FRMPD4: variants seen among roughly 807,000 people sequenced by gnomAD.
FRMPD4 encodes the protein FERM and PDZ domain containing 4.
FRMPD4 carries 22 observed loss-of-function variants against 94.1 expected under a neutral mutation model. The observed-to-expected ratio is 0.23, with a 90% CI of 0.17 to 0.33. FRMPD4 has a LOEUF of 0.33. Ranked by LOEUF, FRMPD4 falls within the 10% of genes least tolerant of loss-of-function variation. FRMPD4 has a pLI of 1.00. For missense variants in FRMPD4, 1,111 were observed against 1,339.9 expected, an observed-to-expected ratio of 0.83 and a Z score of 2.67; for synonymous variants, 631 against 548.6, an observed-to-expected ratio of 1.15 and a Z score of -2.10.
chrX:12,060,669 C>T (rs1402503514), intron 3 of FRMPD4, among the ~76,000 whole-genome samples: 1 of 111,371 alleles, frequency 9.0e-6, no homozygotes, highest in Non-Finnish European at 1.9e-5. Flanking sequence ...TTCTTACTCA[C>T]TTGTCTTTAC....
In FRMPD4 at chrX:12,646,588, G is replaced by A. The variant is rs182226981; in HGVS notation, c.423-28275G>A. Among the ~76,000 whole-genome samples, 426 of 111,361 alleles carry A rather than the reference G, an allele frequency of 3.8e-3. 3 individuals are homozygous for A. Among genetic ancestry groups the A allele is most frequent in the African/African-American group, 0.013 (391 of 30,682 alleles). ...ATTGCTAGGTTTTCTGAGATTTGAGGTGCCATTTCAAAATAGCTGTGTTTG... is the reference window on the plus strand; with the variant it reads ...ATTGCTAGGTTTTCTGAGATTTGAGATGCCATTTCAAAATAGCTGTGTTTG... On this transcript the variant is annotated intron_variant, in intron 4 of 16. Transcript: ENST00000675598.
intron 4 of FRMPD4, among the ~76,000 whole-genome samples, chrX:12,672,528 CTTTT>C (rs757644716): frequency 2.5e-4 from 28 of 111,634 alleles, no homozygotes; most frequent in Non-Finnish European, 5.3e-4. Context: ...TTCCTGCTGC[CTTTT>C]TTTTCAGTTT....
intron 1 of FRMPD4, among the ~76,000 whole-genome samples, chrX:12,321,716 C>A (rs1300962598): frequency 8.9e-6 from 1 of 111,936 alleles, no homozygotes; most frequent in Non-Finnish European, 1.9e-5. Context: ...TGATCTCTGT[C>A]CTCATGAAGC....
At chrX:12,188,865 C>T (rs1468918975) in intron 1 of FRMPD4, among the ~76,000 whole-genome samples, 1 of 111,369 alleles carries the variant, frequency 9.0e-6, no homozygotes, top group African/African-American at 3.3e-5. Context: ...ATAAAGAGTC[C>T]AGCATTTTCA....
At chrX:12,274,853 C>CA (rs2054409778) in intron 1 of FRMPD4, among the ~76,000 whole-genome samples, 1 of 111,914 alleles carries the variant, frequency 8.9e-6, no homozygotes, top group Non-Finnish European at 1.9e-5. Context: ...ACTAAAAATA[C>CA]AAAAAATTAG....
At chrX:12,264,285 A>G (rs2054240931) in intron 1 of FRMPD4, among the ~76,000 whole-genome samples, 1 of 111,933 alleles carries the variant, frequency 8.9e-6, no homozygotes, top group Non-Finnish European at 1.9e-5. Context: ...TCTCAGTCTC[A>G]GGACATCAGG....
intron 4 of FRMPD4, among the ~76,000 whole-genome samples, chrX:12,618,217 A>T (rs1412701038): frequency 8.9e-6 from 1 of 112,004 alleles, no homozygotes; most frequent in East Asian, 2.8e-4. Flanking sequence ...ATTTTTAAAA[A>T]GTAAGGAGTA....
At chrX:12,688,618 C>T (rs755322777) in intron 7 of FRMPD4, among the ~76,000 whole-genome samples, 16 of 111,893 alleles carry the variant, frequency 1.4e-4, no homozygotes, top group Admixed American at 3.8e-4. Context: ...AAAACTCTTG[C>T]TATTGATTTT....
chrX:12,119,052 G>A (rs2055433764), intron 3 of FRMPD4, among the ~76,000 whole-genome samples: 1 of 110,714 alleles, frequency 9.0e-6, no homozygotes, highest in South Asian at 3.9e-4. Flanking sequence ...GAGAGAATTT[G>A]GCTAATTTTT....
intron 1 of FRMPD4, among the ~76,000 whole-genome samples, chrX:12,495,953 T>C (rs905116678): frequency 3.6e-5 from 4 of 111,226 alleles, no homozygotes; most frequent in African/African-American, 1.3e-4. Context: ...ATTTGGGTGA[T>C]GCCTCACAAA....
intron 2 of FRMPD4, among the ~76,000 whole-genome samples, chrX:12,549,511 A>G (rs747116951): frequency 1.1e-4 from 12 of 112,539 alleles, no homozygotes; most frequent in Non-Finnish European, 1.9e-4. Flanking sequence ...AATTCTCAAA[A>G]CAAGTTTATA....
chrX:11,931,797 G>A (rs1355450827), intron 3 of FRMPD4, among the ~76,000 whole-genome samples: 1 of 112,030 alleles, frequency 8.9e-6, no homozygotes, highest in Non-Finnish European at 1.9e-5. Flanking sequence ...TCCTTAAGCA[G>A]TACAAATGGA....
chrX:12,091,032 C>T (rs1443338580), intron 3 of FRMPD4, among the ~76,000 whole-genome samples: 1 of 112,083 alleles, frequency 8.9e-6, no homozygotes, highest in Admixed American at 9.5e-5. Context: ...GAATGGCAAA[C>T]ACTTTTATTT....
At chrX:12,589,029 C>G (rs1198096620) in intron 2 of FRMPD4, among the ~76,000 whole-genome samples, 1 of 111,786 alleles carries the variant, frequency 8.9e-6, no homozygotes, top group Non-Finnish European at 1.9e-5. Context: ...AAAGGGTTTC[C>G]TAAGTCGATA....
intron 2 of FRMPD4, among the ~76,000 whole-genome samples, chrX:12,585,939 G>T (rs1415588607): frequency 1.8e-5 from 2 of 112,543 alleles, no homozygotes; most frequent in Admixed American, 1.9e-4. Context: ...CATGAAATCA[G>T]GAATAATATA....
At chrX:12,349,730 T>C (rs994299405) in intron 1 of FRMPD4, among the ~76,000 whole-genome samples, 9 of 111,955 alleles carry the variant, frequency 8.0e-5, no homozygotes, top group African/African-American at 2.9e-4. Flanking sequence ...AAATATTGTA[T>C]GTCTTCCTAA....
rs192587613 is a variant in FRMPD4 at position 12,472,641 on chromosome X, A to G, written c.42-26039A>G. ...AAAGGACCTGATGGAGCGGAAAACC[A>G]TGGCACAAGGACTACGTGACGAATG... is the stretch of plus-strand genomic sequence containing the variant. On this transcript the variant is annotated intron_variant, in intron 1 of 16. Coordinates refer to ENST00000675598, the MANE Select transcript of FRMPD4 (RefSeq NM_001368397.1). Among the ~76,000 whole-genome samples, 469 of 112,348 alleles carry G rather than the reference A, an allele frequency of 4.2e-3. 4 individuals carry two copies. The highest frequency in any genetic ancestry group is 0.014 in the African/African-American group (436 of 30,888).
At chrX:12,083,212 A>G (rs1056297147) in intron 3 of FRMPD4, among the ~76,000 whole-genome samples, 3 of 112,732 alleles carry the variant, frequency 2.7e-5, no homozygotes, top group Non-Finnish European at 5.6e-5. Flanking sequence ...TGCTGCGTGC[A>G]GCCTAGGGAC....
At chrX:12,054,008 T>C (rs750005723) in intron 3 of FRMPD4, among the ~76,000 whole-genome samples, 2 of 111,789 alleles carry the variant, frequency 1.8e-5, no homozygotes, top group East Asian at 2.8e-4. Context: ...CTTTATGCTA[T>C]GTCTTCAGAG....
Sources: allele counts gnomAD v4.1 joint callset (sites outside exome capture counted in the v4.1 genomes callset), GRCh38; gene constraint gnomAD v4.1.1; transcripts MANE v1.5; gene names NCBI Gene and HGNC (gene_info 2026-07-23, HGNC 2026-07-21).